Variants in ROBO2 observed in about 807,000 individuals in gnomAD.
ROBO2 encodes the protein roundabout guidance receptor 2.
A neutral mutation model predicts 160.8 loss-of-function variants in ROBO2; 53 were observed. The observed-to-expected ratio is 0.33, with a 90% CI of 0.26 to 0.41. ROBO2 has a LOEUF of 0.41. ROBO2 is among the 10% of genes least tolerant of loss of function. ROBO2 has a pLI of 1.00. For synonymous variants in ROBO2, 664 were observed against 611.7 expected (o/e 1.09, Z -1.26); for missense variants, 1,577 against 1,722.4 (o/e 0.92, Z 1.49).
chr3:75,949,597 C>T (rs1315706338), intron 2 of ROBO2, among the ~76,000 whole-genome samples: 2 of 151,852 alleles, frequency 1.3e-5, no homozygotes, highest in African/African-American at 2.4e-5. Context: ...CAAAAGCAAA[C>T]CAAAAACTCA....
intron 2 of ROBO2, among the ~76,000 whole-genome samples, chr3:76,349,894 T>C (rs1245574530): frequency 2.0e-5 from 3 of 152,072 alleles, no homozygotes; most frequent in Non-Finnish European, 4.4e-5. Context: ...CACTGGACAA[T>C]AAGCATGCCC....
chr3:77,343,426 G>T (rs922616071), intron 2 of ROBO2, among the ~76,000 whole-genome samples: 14 of 152,118 alleles, frequency 9.2e-5, no homozygotes, highest in African/African-American at 3.4e-4. Flanking sequence ...ATGTTCTGGC[G>T]CTAATCTCTA....
chr3:76,849,166 G>T (rs1273085499), intron 2 of ROBO2, among the ~76,000 whole-genome samples: 1 of 152,062 alleles, frequency 6.6e-6, no homozygotes, highest in Non-Finnish European at 1.5e-5. Flanking sequence ...TAGTAAATAT[G>T]CTCTGAAGAC....
At chr3:76,216,136 G>A (rs1703508803) in intron 2 of ROBO2, among the ~76,000 whole-genome samples, 1 of 152,276 alleles carries the variant, frequency 6.6e-6, no homozygotes, top group South Asian at 2.1e-4. Context: ...CACCAGGCCT[G>A]CCCTAAAAGA....
chr3:75,952,658 T>G (rs951758418), intron 2 of ROBO2, among the ~76,000 whole-genome samples: 1 of 151,982 alleles, frequency 6.6e-6, no homozygotes, highest in Non-Finnish European at 1.5e-5. Flanking sequence ...GTCTGTAGTT[T>G]ATATTAGAGT....
intron 2 of ROBO2, among the ~76,000 whole-genome samples, chr3:76,309,175 A>G (rs186220460): frequency 3.9e-4 from 59 of 152,284 alleles, no homozygotes; most frequent in African/African-American, 1.3e-3. Context: ...GAGTTGGTCA[A>G]TTTATTCTAC....
intron 2 of ROBO2, among the ~76,000 whole-genome samples, chr3:76,140,439 T>C (rs2071589569): frequency 6.6e-6 from 1 of 152,054 alleles, no homozygotes; most frequent in Non-Finnish European, 1.5e-5. Flanking sequence ...TTAATCTTCA[T>C]GCTATCTTGT....
rs1322409049 is a variant in ROBO2 at position 76,838,022 on chromosome 3, TAGACA to T, written c.110-259990_110-259986del. 2.0e-5 allele frequency among the ~76,000 whole-genome samples: 3 copies of T among 152,050 alleles called. No individual in the cohort carries two copies. In the East Asian group the frequency reaches 5.8e-4, roughly 29 times the overall value. The stretch of plus-strand genomic sequence containing the variant: ...CATCTAATGAAATGTTTCATTACGC[TAGACA>T]ATATTCAAGAAATATCCTAGCAGCC... On this transcript the variant is annotated intron_variant, in intron 2 of 26. Transcript: ENST00000487694.
chr3:77,032,793 G>T (rs2063399495), intron 2 of ROBO2, among the ~76,000 whole-genome samples: 1 of 146,098 alleles, frequency 6.8e-6, no homozygotes, highest in Non-Finnish European at 1.5e-5. Flanking sequence ...TCCAAAAAGT[G>T]AGGCAACAGC....
chr3:77,096,658 C>T (rs192891617), intron 1 of ROBO2, among the ~76,000 whole-genome samples: 186 of 152,114 alleles, frequency 1.2e-3, no homozygotes, highest in African/African-American at 4.3e-3. Flanking sequence ...CCATGTTGGG[C>T]AGGCTGGTCT....
intron 2 of ROBO2, among the ~76,000 whole-genome samples, chr3:76,475,141 T>C (rs2078866751): frequency 6.6e-6 from 1 of 151,792 alleles, no homozygotes; most frequent in Non-Finnish European, 1.5e-5. Context: ...TATGAGATGA[T>C]AGTTCAAATA....
At chr3:76,156,004 G>T (rs1404773268) in intron 2 of ROBO2, among the ~76,000 whole-genome samples, 2 of 151,962 alleles carry the variant, frequency 1.3e-5, no homozygotes, top group Non-Finnish European at 2.9e-5. Flanking sequence ...TTTACTAGGA[G>T]GCTAAATGAT....
At position 77,275,738 on chromosome 3, in the gene ROBO2, A is replaced by T. The variant is rs568193564; in HGVS notation, c.388+177398A>T. ...AAATGGATAAAGTTTAATAGTATAA[A>T]TTGCCAAACAAAATTGGCATAAGAG... On this transcript the variant is annotated intron_variant, in intron 2 of 25. Transcript: ENST00000461745. Among the ~76,000 whole-genome samples, 8 of 152,278 alleles carry T rather than the reference A, an allele frequency of 5.3e-5. No homozygotes were observed. The South Asian group carries it at 1.4e-3, about 28-fold the overall frequency.
intron 2 of ROBO2, among the ~76,000 whole-genome samples, chr3:76,873,979 A>G (rs1332618424): frequency 3.9e-5 from 6 of 152,170 alleles, no homozygotes; most frequent in African/African-American, 1.4e-4. Flanking sequence ...CAAGATAAAT[A>G]GAATGGAGAG....
At chr3:77,141,385 C>A (rs553500242) in intron 2 of ROBO2, among the ~76,000 whole-genome samples, 1 of 151,962 alleles carries the variant, frequency 6.6e-6, no homozygotes, top group East Asian at 1.9e-4. Context: ...ACTATTGGTC[C>A]CACTCTTGAA....
intron 2 of ROBO2, among the ~76,000 whole-genome samples, chr3:76,247,491 A>C (rs1385337259): frequency 6.6e-6 from 1 of 152,056 alleles, no homozygotes; most frequent in Non-Finnish European, 1.5e-5. Flanking sequence ...TATTACTCTA[A>C]CCCATTTTCT....
chr3:76,847,693 C>A (rs1408243341), intron 2 of ROBO2, among the ~76,000 whole-genome samples: 1 of 152,052 alleles, frequency 6.6e-6, no homozygotes, highest in Admixed American at 6.6e-5. Flanking sequence ...TGGTATTCCC[C>A]TTTCTCAGTA....
chr3:77,270,928 G>C (rs557937253), intron 2 of ROBO2, among the ~76,000 whole-genome samples: 2 of 137,318 alleles, frequency 1.5e-5, no homozygotes, highest in East Asian at 4.6e-4. Flanking sequence ...GGGCGACAGA[G>C]CAATACTCTG....
At position 77,196,158 on chromosome 3, in the gene ROBO2, C is replaced by T. The variant is rs570873061; in HGVS notation, c.388+97818C>T. ...AGACAGCTAATAGGGGAGCCCCAGA[C>T]AGGTAGCGCGGTGCTCACCATGCTT... On this transcript the variant is annotated intron_variant, in intron 2 of 25. Coordinates refer to ENST00000461745, the Ensembl canonical transcript of ROBO2. 3.3e-5 allele frequency among the ~76,000 whole-genome samples: 5 copies of T among 152,316 alleles called. No individual in the cohort carries two copies. In the East Asian group the frequency reaches 7.7e-4, roughly 24 times the overall value.
Sources: gnomAD v4.1 joint callset for allele counts (sites outside exome capture counted in the v4.1 genomes callset) on GRCh38, gnomAD v4.1.1 for gene constraint, MANE v1.5 for transcripts, NCBI Gene and HGNC (gene_info 2026-07-23, HGNC 2026-07-21) for gene names.